Variants in PIGN observed in about 807,000 individuals in gnomAD.
PIGN encodes GPI ethanolamine phosphate transferase 1.
PIGN carries 117 observed loss-of-function variants against 125.4 expected under a neutral mutation model. The ratio of observed to expected loss-of-function variants is 0.93; its 90% CI spans 0.80 to 1.09. The LOEUF is 1.09. PIGN is among the 50% of genes least tolerant of loss of function. The probability of loss-of-function intolerance (pLI) is 0.00; values close to 1 mark genes in which losing one functional copy is unlikely to be tolerated. For synonymous variants in PIGN, 392 were observed against 377.8 expected, an observed-to-expected ratio of 1.04 and a Z score of -0.44; for missense variants, 1,075 against 1,094.9, an observed-to-expected ratio of 0.98 and a Z score of 0.26.
intron 14 of PIGN, chr18:62,136,326 T>C (rs574264567): frequency 1.3e-5 from 2 of 152,252 alleles, no homozygotes; most frequent in Admixed American, 6.5e-5. Flanking sequence ...AACCACAGTA[T>C]TCAGAGGGTA....
In PIGN at chr18:62,184,274, A is replaced by G. The variant is rs545101757; in HGVS notation, c.-236+2570T>C. 2.3e-3 allele frequency among the ~76,000 whole-genome samples: 343 copies of G among 152,348 alleles called. 1 individual carries two copies. Among genetic ancestry groups the G allele is most frequent in the African/African-American group, 7.9e-3 (327 of 41,604 alleles). On this transcript the variant is annotated intron_variant, in intron 1 of 30. Coordinates refer to ENST00000640252, the MANE Select transcript of PIGN (RefSeq NM_176787.5). ...AAAATGATTGACGTGCTTTGAAAAA[A>G]GGCATCTTTTACATCTTCATTGCTA... is the stretch of plus-strand genomic sequence containing the variant.
intron 25 of PIGN, among the ~76,000 whole-genome samples, chr18:62,086,317 T>C (rs1431654461): frequency 6.6e-6 from 1 of 152,150 alleles, no homozygotes; most frequent in Non-Finnish European, 1.5e-5. Flanking sequence ...TGGTGGCATA[T>C]TAATAAAAAG....
chr18:62,101,284 GA>G (rs1409805533), intron 21 of PIGN, 101 bp from the exon 22 acceptor site: 1 of 687,904 alleles, frequency 1.5e-6, no homozygotes. Context: ...TTAAAATGTG[GA>G]AAAAATGTGT....
chr18:62,060,935 T>G (rs940508322), intron 30 of PIGN, among the ~76,000 whole-genome samples: 1 of 152,154 alleles, frequency 6.6e-6, no homozygotes. Context: ...AGTGTAAAGA[T>G]CAAAAGAAGA....
chr18:62,025,771 G>T (rs1344450771), intron 23 of PIGN, among the ~76,000 whole-genome samples: 4 of 152,092 alleles, frequency 2.6e-5, no homozygotes, highest in Admixed American at 6.6e-5. Context: ...GTCTAAGCAG[G>T]AATATCCACC....
chr18:62,157,257 A>T lies in PIGN; in HGVS notation c.344-30T>A, dbSNP rs1021953. 0.62 allele frequency: 747,413 copies of T among 1,205,568 alleles called. 236,251 individuals carry two copies. Among genetic ancestry groups the T allele is most frequent in the East Asian group, 0.76 (32,330 of 42,370 alleles). 74.7% of individuals were successfully genotyped at this position (1,205,568 alleles called of 1,614,324 possible). ...AGAAAGCAAGCAAGCAGTAATAGTT[A>T]TATACACATGGTACAATAAGCCCCT... On this transcript the variant is annotated intron_variant, in intron 5 of 30. Coordinates refer to ENST00000640252, the MANE Select transcript of PIGN (RefSeq NM_176787.5).
chr18:62,062,881 GCTTTTTTTT>G (rs2032243348), intron 30 of PIGN, among the ~76,000 whole-genome samples: 2 of 22,470 alleles, frequency 8.9e-5, no homozygotes, highest in East Asian at 2.4e-3. Context: ...TTTGTATTCT[GCTTTTTTTT>G]TTTTTTTTTT....
In PIGN at chr18:62,145,951, G is replaced by C. The variant is rs374267642; in HGVS notation, c.880C>G (p.Gln294Glu). ...TCAAATTGCTGAGCTGATACTCTTTGGGGATACTTGATTCCAGCTCCCCAA... is the reference window on the plus strand; with the variant it reads ...TCAAATTGCTGAGCTGATACTCTTTCGGGATACTTGATTCCAGCTCCCCAA... Reference protein sequence around the residue: ...VTWGAGIKYPQRVSAQQFDDA... With the variant: ...VTWGAGIKYPERVSAQQFDDA... The change falls in exon 10 of 31, where the codon CAA becomes GAA. Residue 294 changes from glutamine (Q) to glutamate (E), a missense_variant. Gln to Glu is a conservative substitution (Grantham distance 29, BLOSUM62 2). Coordinates refer to ENST00000640252, the MANE Select transcript of PIGN (RefSeq NM_176787.5). The C allele has an allele frequency of 2.5e-6, 4 of 1,607,916 alleles. No homozygotes were observed. Among genetic ancestry groups the C allele is most frequent in the Non-Finnish European group, 3.4e-6 (4 of 1,175,418 alleles).
At chr18:62,184,334 G>A (rs960232812) in intron 1 of PIGN, among the ~76,000 whole-genome samples, 2 of 152,150 alleles carry the variant, frequency 1.3e-5, no homozygotes, top group Non-Finnish European at 2.9e-5. Flanking sequence ...TTAGTCAGAT[G>A]AAACATTAGT....
chr18:62,111,398 G>T (rs531561013), intron 16 of PIGN, among the ~76,000 whole-genome samples: 6 of 152,004 alleles, frequency 3.9e-5, no homozygotes, highest in African/African-American at 1.4e-4. Flanking sequence ...CCTCTCCCTA[G>T]ATTCTGACTG....
downstream of PIGN, among the ~76,000 whole-genome samples, chr18:62,039,628 G>A (rs143093140): frequency 6.6e-3 from 746 of 113,390 alleles, 58 homozygotes; most frequent in East Asian, 0.053. Context: ...CCAGAGTGCC[G>A]CACCCCATGA....
chr18:62,039,274 C>A (rs2030302983), downstream of PIGN, among the ~76,000 whole-genome samples: 2 of 152,108 alleles, frequency 1.3e-5, no homozygotes, highest in Non-Finnish European at 2.9e-5. Flanking sequence ...AGGGTTCCAA[C>A]ACACTCCCTC....
chr18:62,099,976 A>G (rs2034370937), intron 22 of PIGN, among the ~76,000 whole-genome samples: 2 of 152,172 alleles, frequency 1.3e-5, no homozygotes, highest in African/African-American at 4.8e-5. Flanking sequence ...GGATTATATC[A>G]AGCTAAAAAG....
rs182595817 is a variant in PIGN at position 62,099,566 on chromosome 18, A to T, written c.2077+1509T>A. ...GGCTGAAGGCATGATTTCAAAGTAA[A>T]CTACAAAGCTATAGTAACCCAAACA... On this transcript the variant is annotated intron_variant, in intron 22 of 30. Coordinates refer to ENST00000640252, the MANE Select transcript of PIGN (RefSeq NM_176787.5). 1.1e-3 allele frequency among the ~76,000 whole-genome samples: 162 copies of T among 152,256 alleles called. 1 individual carries two copies. Among genetic ancestry groups the T allele is most frequent in the Non-Finnish European group, 1.9e-3 (130 of 67,996 alleles).
At chr18:62,146,714 A>G (rs988963866) in intron 9 of PIGN, among the ~76,000 whole-genome samples, 3 of 152,168 alleles carry the variant, frequency 2.0e-5, no homozygotes, top group Non-Finnish European at 2.9e-5. Flanking sequence ...TAGATAAATA[A>G]TAGCTACTTT....
At position 62,109,833 on chromosome 18, in the gene PIGN, C is replaced by T. The variant is rs371315187; in HGVS notation, c.1574+1G>A. 1.9e-5 allele frequency: 31 copies of T among 1,596,256 alleles called. No individual in the cohort carries two copies. The highest frequency in any genetic ancestry group is 2.5e-5 in the Non-Finnish European group (29 of 1,170,360). On this transcript the variant is annotated splice_donor_variant, in intron 17 of 30. Transcript: ENST00000640252. LOFTEE classifies it high-confidence loss of function. ...ACAAGGCAGCAAGATGCATTACTTA[C>T]TCTCTTAGAACCGCATACCATATTG... is the stretch of plus-strand genomic sequence containing the variant.
intron 13 of PIGN, among the ~76,000 whole-genome samples, 200 bp from the exon 14 acceptor site, chr18:62,138,498 C>T (rs1417136081): frequency 6.6e-6 from 1 of 152,056 alleles, no homozygotes; most frequent in Non-Finnish European, 1.5e-5. Flanking sequence ...GAGAATTAAA[C>T]ATATCAATCT....
chr18:62,157,248 G>C, intron 5 of PIGN, 21 bp from the exon 6 acceptor site: 1 of 1,331,898 alleles, frequency 7.5e-7, no homozygotes, highest in Non-Finnish European at 1.1e-6. Flanking sequence ...CAAGCAAGCA[G>C]TAATAGTTAT....
chr18:62,146,385 T>A (rs959846741), intron 9 of PIGN, among the ~76,000 whole-genome samples: 1 of 152,076 alleles, frequency 6.6e-6, no homozygotes, highest in Non-Finnish European at 1.5e-5. Flanking sequence ...CCACCCAAGC[T>A]TGGGGCAAGC....
Sources: gnomAD v4.1 joint callset for allele counts (sites outside exome capture counted in the v4.1 genomes callset) on GRCh38, gnomAD v4.1.1 for gene constraint, MANE v1.5 for transcripts, NCBI Gene and HGNC (gene_info 2026-07-23, HGNC 2026-07-21) for gene names.